Variants in CDK6 observed in about 807,000 individuals in gnomAD.
CDK6 encodes the protein cyclin dependent kinase 6, also known as cyclin-dependent kinase 6.
In CDK6, 6 loss-of-function variants were observed where a neutral mutation model predicts 37.1. That is an observed-to-expected ratio of 0.16 (90% CI 0.09 to 0.32). CDK6 has a LOEUF of 0.32. CDK6 is among the 10% of genes least tolerant of loss of function. CDK6 has a pLI of 1.00. For synonymous variants in CDK6, 160 were observed against 161.3 expected (o/e 0.99, Z 0.06); for missense variants, 224 against 418.9 (o/e 0.53, Z 4.06).
intron 5 of CDK6, among the ~76,000 whole-genome samples, chr7:92,631,590 C>T (rs1250289158): frequency 6.6e-6 from 1 of 152,140 alleles, no homozygotes; most frequent in Non-Finnish European, 1.5e-5. Context: ...ACTATACGCA[C>T]CTTGCCTCTT....
rs557989868 is a variant in CDK6, at chr7:92,802,084, A to G, written c.234-27253T>C. ...AAGCGCAATTTTGCTACACTGATAT[A>G]CTGCATTGTGGTGAAGTCAGGGTCT... On this transcript the variant is annotated intron_variant, in intron 2 of 7. Transcript: ENST00000424848. Among the ~76,000 whole-genome samples, 117 of 149,918 alleles carry G rather than the reference A, an allele frequency of 7.8e-4. 1 individual carries two copies. Among genetic ancestry groups the G allele is most frequent in the African/African-American group, 2.5e-3 (103 of 40,622 alleles).
chr7:92,808,552 GT>G (rs1347562442), intron 2 of CDK6, among the ~76,000 whole-genome samples: 1 of 152,104 alleles, frequency 6.6e-6, no homozygotes, highest in African/African-American at 2.4e-5. Context: ...TAAAAACTGT[GT>G]TTGTATATTC....
chr7:92,818,273 G>A (rs1487237457), intron 2 of CDK6, among the ~76,000 whole-genome samples: 1 of 151,960 alleles, frequency 6.6e-6, no homozygotes, highest in Non-Finnish European at 1.5e-5. Context: ...AAAGAACAAA[G>A]AGTCTAAAAA....
At chr7:92,795,103 T>C (rs1282211355) in intron 2 of CDK6, among the ~76,000 whole-genome samples, 1 of 152,154 alleles carries the variant, frequency 6.6e-6, no homozygotes, top group East Asian at 1.9e-4. Context: ...CAATTATCCT[T>C]TTACTAAACA....
chr7:92,649,928 C>T (rs1796534464), intron 5 of CDK6, among the ~76,000 whole-genome samples: 1 of 152,194 alleles, frequency 6.6e-6, no homozygotes, highest in Non-Finnish European at 1.5e-5. Context: ...AAATAACAAC[C>T]AGACCTTGTG....
At position 92,722,959 on chromosome 7, in the gene CDK6, C is replaced by T. The variant is rs994176578; in HGVS notation, c.537+2667G>A. On this transcript the variant is annotated intron_variant, in intron 4 of 7. Coordinates refer to ENST00000424848, the MANE Select transcript of CDK6 (RefSeq NM_001145306.2). ...CAGCACTTTGGGAGGCTGAGGAGGA[C>T]GGATTACTTGAGGTCAGGAGTTCAA... Among the ~76,000 whole-genome samples the T allele has an allele frequency of 1.1e-4, 17 of 152,178 alleles. No homozygotes were observed. In the East Asian group the frequency reaches 1.2e-3, roughly 10 times the overall value.
chr7:92,679,939 G>A (rs753948443), intron 4 of CDK6, among the ~76,000 whole-genome samples: 2 of 151,458 alleles, frequency 1.3e-5, no homozygotes, highest in Non-Finnish European at 1.5e-5. Context: ...GACTGGTCTC[G>A]AACTCCTGAC....
At chr7:92,630,847 G>A (rs11771637) in intron 5 of CDK6, among the ~76,000 whole-genome samples, 31,012 of 152,142 alleles carry the variant, frequency 0.2, 3,856 homozygotes, top group Middle Eastern at 0.36. Context: ...GAGCAAGGGT[G>A]ATGGTGTGGT....
intron 2 of CDK6, among the ~76,000 whole-genome samples, chr7:92,777,936 G>A (rs1483580546): frequency 3.9e-5 from 6 of 152,100 alleles, no homozygotes; most frequent in Non-Finnish European, 8.8e-5. Context: ...TCTCCTTAAA[G>A]AGGTCCTTCA....
intron 2 of CDK6, among the ~76,000 whole-genome samples, chr7:92,822,816 T>G (rs890330138): frequency 2.0e-5 from 3 of 152,128 alleles, no homozygotes; most frequent in Non-Finnish European, 4.4e-5. Context: ...AGCACTGGTT[T>G]GAGGGTTTTC....
At chr7:92,742,874 A>G (rs1798960570) in intron 3 of CDK6, among the ~76,000 whole-genome samples, 1 of 152,170 alleles carries the variant, frequency 6.6e-6, no homozygotes, top group Non-Finnish European at 1.5e-5. Context: ...GTTCGCAGTT[A>G]AAAATATTTT....
At chr7:92,685,469 G>A (rs1797428902) in intron 4 of CDK6, among the ~76,000 whole-genome samples, 1 of 152,154 alleles carries the variant, frequency 6.6e-6, no homozygotes, top group South Asian at 2.1e-4. Flanking sequence ...TCAAAGAAAC[G>A]CTATATTTCC....
intron 3 of CDK6, among the ~76,000 whole-genome samples, chr7:92,757,295 C>T (rs1182334614): frequency 2.6e-5 from 4 of 152,140 alleles, no homozygotes; most frequent in Non-Finnish European, 5.9e-5. Context: ...CTGCTCCTCT[C>T]CCTTCTCCTA....
chr7:92,764,768 T>C (rs973501385), intron 3 of CDK6, among the ~76,000 whole-genome samples: 1 of 152,230 alleles, frequency 6.6e-6, no homozygotes, highest in African/African-American at 2.4e-5. Flanking sequence ...AATTACTTAC[T>C]AGAACCAGTA....
intron 5 of CDK6, among the ~76,000 whole-genome samples, chr7:92,640,842 A>C (rs1283824844): frequency 2.0e-5 from 3 of 152,224 alleles, no homozygotes; most frequent in Non-Finnish European, 4.4e-5. Flanking sequence ...TAAAGGAATA[A>C]TCATGAGAAT....
At chr7:92,628,738 G>A (rs1458503087) in intron 5 of CDK6, among the ~76,000 whole-genome samples, 1 of 152,036 alleles carries the variant, frequency 6.6e-6, no homozygotes, top group African/African-American at 2.4e-5. Flanking sequence ...ATCTGTTTAT[G>A]CTTTAATCTG....
chr7:92,691,993 C>T (rs987153993), intron 4 of CDK6, among the ~76,000 whole-genome samples: 5 of 152,168 alleles, frequency 3.3e-5, no homozygotes, highest in Non-Finnish European at 5.9e-5. Flanking sequence ...GTAGGCTGGG[C>T]GCGGTGGCTC....
intron 4 of CDK6, among the ~76,000 whole-genome samples, chr7:92,679,026 G>T (rs2116619499): frequency 6.6e-6 from 1 of 152,308 alleles, no homozygotes; most frequent in East Asian, 1.9e-4. Context: ...CCTGGGAATG[G>T]TAATGAACTG....
rs1471902285 is a variant in CDK6 at position 92,836,521 on chromosome 7, T to G, written c.-411A>C. The G allele has an allele frequency of 6.6e-6, 1 of 151,272 alleles. No individual in the cohort carries two copies. Among genetic ancestry groups the G allele is most frequent in the Non-Finnish European group, 1.5e-5 (1 of 67,836 alleles). 9.4% of individuals were successfully genotyped at this position (151,272 alleles called of 1,614,324 possible). A position where few individuals can be genotyped will look rare whatever the true frequency, so the allele number is the denominator to read the frequency against. On this transcript the variant is annotated 5_prime_UTR_variant, in exon 1 of 8. Transcript: ENST00000424848. ...TCGGGCCTCCCGAGGGGGCTGCGAG[T>G]GTCAGTCGGCTCTCCGCACGTGTCC...
Sources: gnomAD v4.1 joint callset for allele counts (sites outside exome capture counted in the v4.1 genomes callset) on GRCh38, gnomAD v4.1.1 for gene constraint, MANE v1.5 for transcripts, NCBI Gene and HGNC (gene_info 2026-07-23, HGNC 2026-07-21) for gene names.